The following MALRD1 variants were observed in gnomAD, a reference collection of about 807,000 sequenced individuals.
The protein encoded by MALRD1 is MAM and LDL-receptor class A domain-containing protein 1.
Under a neutral mutation model 242.1 loss-of-function variants are expected in MALRD1, and 247 were observed. The observed-to-expected ratio is 1.02, with a 90% CI of 0.92 to 1.13. MALRD1 has a LOEUF of 1.13. MALRD1 is among the 50% of genes most tolerant of loss of function. The pLI, the probability that MALRD1 is intolerant of heterozygous loss-of-function variation, is 0.00. For missense variants in MALRD1, 2,989 were observed against 2,533.1 expected (o/e 1.18, Z -3.86); for synonymous variants, 995 against 866.6 (o/e 1.15, Z -2.60).
At chr10:19,292,233 CA>C (rs1362034193) in intron 21 of MALRD1, among the ~76,000 whole-genome samples, 1 of 151,942 alleles carries the variant, frequency 6.6e-6, no homozygotes, top group African/African-American at 2.4e-5. Flanking sequence ...GTACAATACA[CA>C]ATGTTTTTTT....
chr10:19,400,040 T>A (rs754641005), intron 28 of MALRD1, among the ~76,000 whole-genome samples: 1 of 152,206 alleles, frequency 6.6e-6, no homozygotes, highest in Non-Finnish European at 1.5e-5. Flanking sequence ...TCCAGCTCCT[T>A]CCCAATTCTT....
chr10:19,203,584 T>C (rs553619540), intron 14 of MALRD1, 144 bp from the exon 15 acceptor site: 2 of 779,396 alleles, frequency 2.6e-6, no homozygotes, highest in African/African-American at 1.7e-5. Flanking sequence ...AGAAAGGATC[T>C]TTTTTATTTT....
chr10:19,109,333 C>T (rs1012157699), intron 5 of MALRD1, among the ~76,000 whole-genome samples: 10 of 152,166 alleles, frequency 6.6e-5, no homozygotes, highest in Admixed American at 3.3e-4. Context: ...TTTGTCAGGG[C>T]TGCTCCACTA....
intron 38 of MALRD1, among the ~76,000 whole-genome samples, chr10:19,701,176 A>G (rs1833611263): frequency 6.6e-6 from 1 of 152,032 alleles, no homozygotes; most frequent in African/African-American, 2.4e-5. Context: ...ATAAATTAAA[A>G]AGAGAGAAAG....
intron 38 of MALRD1, among the ~76,000 whole-genome samples, chr10:19,729,591 TCG>T (rs1491196041): frequency 6.8e-6 from 1 of 146,874 alleles, no homozygotes; most frequent in African/African-American, 2.6e-5. Flanking sequence ...TAGGATCCTT[TCG>T]TGTGTGTGTG....
intron 38 of MALRD1, among the ~76,000 whole-genome samples, chr10:19,720,218 A>T (rs1419515619): frequency 1.3e-5 from 2 of 152,212 alleles, no homozygotes; most frequent in Non-Finnish European, 2.9e-5. Context: ...TTGTGCTTCA[A>T]GATCTCCATA....
chr10:19,423,719 A>G (rs1833798775), intron 28 of MALRD1, among the ~76,000 whole-genome samples: 1 of 152,146 alleles, frequency 6.6e-6, no homozygotes, highest in African/African-American at 2.4e-5. Context: ...GAGGGAGGTC[A>G]TGTGTTCCTT....
intron 39 of MALRD1, among the ~76,000 whole-genome samples, chr10:19,732,736 T>G (rs1835347814): frequency 6.6e-6 from 1 of 152,176 alleles, no homozygotes; most frequent in African/African-American, 2.4e-5. Context: ...TTCTTTACTT[T>G]CTACTGAGAT....
chr10:19,473,023 A>G (rs1375042394), intron 29 of MALRD1, among the ~76,000 whole-genome samples: 3 of 150,838 alleles, frequency 2.0e-5, no homozygotes. Flanking sequence ...TTCCAATGAC[A>G]ATATTCCACA....
At chr10:19,280,631 C>T (rs1429905324) in intron 20 of MALRD1, among the ~76,000 whole-genome samples, 1 of 152,134 alleles carries the variant, frequency 6.6e-6, no homozygotes, top group African/African-American at 2.4e-5. Flanking sequence ...GCACATACAA[C>T]ATTAGTACTA....
intron 18 of MALRD1, among the ~76,000 whole-genome samples, chr10:19,240,371 G>T (rs1408679708): frequency 1.3e-5 from 2 of 151,816 alleles, no homozygotes; most frequent in Admixed American, 1.3e-4. Flanking sequence ...ATTATTTCTA[G>T]TAGTTTTTGG....
intron 14 of MALRD1, among the ~76,000 whole-genome samples, chr10:19,192,507 A>G (rs1476029081): frequency 1.3e-5 from 2 of 152,184 alleles, no homozygotes; most frequent in African/African-American, 4.8e-5. Context: ...GGCAGCAAAT[A>G]AAACAAGGAT....
At chr10:19,237,388 T>C (rs1390982705) in intron 18 of MALRD1, among the ~76,000 whole-genome samples, 1 of 150,052 alleles carries the variant, frequency 6.7e-6, no homozygotes, top group East Asian at 1.9e-4. Flanking sequence ...GATCATGCGG[T>C]ATTTGCTTTC....
chr10:19,539,897 T>TGTGCGCGC (rs1365113182), intron 32 of MALRD1, among the ~76,000 whole-genome samples: 6 of 44,436 alleles, frequency 1.4e-4, no homozygotes, highest in East Asian at 7.8e-4. Flanking sequence ...TGTGTGTGTG[T>TGTGCGCGC]GCGCGCGCGC....
intron 12 of MALRD1, among the ~76,000 whole-genome samples, chr10:19,161,538 A>AG (rs1165659141): frequency 1.6e-4 from 11 of 70,924 alleles, no homozygotes; most frequent in Non-Finnish European, 2.4e-4. Context: ...ATAAAAATAA[A>AG]GAAAAAAAAA....
chr10:19,237,347 ATT>A (rs57209636), intron 18 of MALRD1, among the ~76,000 whole-genome samples: 1 of 144,756 alleles, frequency 6.9e-6, no homozygotes, highest in Non-Finnish European at 1.5e-5. Context: ...CTCTATTAAC[ATT>A]TTTTTTTTAA....
intron 31 of MALRD1, among the ~76,000 whole-genome samples, chr10:19,519,550 C>T (rs1347711595): frequency 6.6e-6 from 1 of 152,082 alleles, no homozygotes; most frequent in Non-Finnish European, 1.5e-5. Context: ...AGGAGGACTA[C>T]TTGAGCCCAG....
intron 36 of MALRD1, among the ~76,000 whole-genome samples, chr10:19,661,690 C>T (rs539786883): frequency 9.7e-4 from 148 of 152,072 alleles, no homozygotes; most frequent in Non-Finnish European, 1.6e-3. Context: ...TGTTAAATGA[C>T]GAGTTAATGG....
intron 34 of MALRD1, among the ~76,000 whole-genome samples, chr10:19,597,538 T>C (rs1424365183): frequency 1.3e-5 from 2 of 152,202 alleles, no homozygotes; most frequent in Non-Finnish European, 2.9e-5. Context: ...CTTTGAGGGC[T>C]TTCCTATTGG....
Sources: allele counts gnomAD v4.1 joint callset (sites outside exome capture counted in the v4.1 genomes callset), GRCh38; gene constraint gnomAD v4.1.1; transcripts MANE v1.5; gene names NCBI Gene and HGNC (gene_info 2026-07-23, HGNC 2026-07-21).